NRXN3: variants seen among roughly 807,000 people sequenced by gnomAD.
NRXN3 encodes the protein neurexin III.
Under a neutral mutation model 137.6 loss-of-function variants are expected in NRXN3, and 32 were observed. That is an observed-to-expected ratio of 0.23 (90% confidence interval 0.18 to 0.31). The LOEUF is 0.31. NRXN3 is among the 10% of genes least tolerant of loss of function. The pLI, the probability that NRXN3 is intolerant of heterozygous loss-of-function variation, is 1.00. For synonymous variants in NRXN3, 798 were observed against 784.5 expected, an observed-to-expected ratio of 1.02 and a Z score of -0.29; for missense variants, 1,574 against 2,062.5, an observed-to-expected ratio of 0.76 and a Z score of 4.59.
chr14:79,119,200 T>C (rs1163456821), intron 15 of NRXN3, among the ~76,000 whole-genome samples: 1 of 152,208 alleles, frequency 6.6e-6, no homozygotes, highest in Non-Finnish European at 1.5e-5. Flanking sequence ...AAATCTATAG[T>C]AAATTATGAG....
intron 17 of NRXN3, among the ~76,000 whole-genome samples, chr14:79,683,048 ACT>A (rs2098678648): frequency 6.6e-6 from 1 of 152,100 alleles, no homozygotes; most frequent in Admixed American, 6.6e-5. Context: ...CTTCAAAGAA[ACT>A]CTAATTTCTG....
chr14:79,029,168 G>GC (rs2099603358), intron 15 of NRXN3, among the ~76,000 whole-genome samples: 1 of 151,922 alleles, frequency 6.6e-6, no homozygotes, highest in South Asian at 2.1e-4. Context: ...GAAAGAGAGA[G>GC]GAAATATGGT....
intron 4 of NRXN3, among the ~76,000 whole-genome samples, chr14:78,323,493 G>C (rs1316805201): frequency 6.6e-6 from 1 of 152,082 alleles, no homozygotes; most frequent in Non-Finnish European, 1.5e-5. Context: ...GAAATTAAAT[G>C]TGTGCAGTTT....
intron 15 of NRXN3, among the ~76,000 whole-genome samples, chr14:79,076,017 C>T (rs1485564912): frequency 3.3e-5 from 5 of 152,158 alleles, no homozygotes; most frequent in African/African-American, 1.2e-4. Context: ...GCACCTCCTG[C>T]AACTTTGTGG....
At chr14:79,306,061 T>C (rs989719071) in intron 15 of NRXN3, among the ~76,000 whole-genome samples, 3 of 152,124 alleles carry the variant, frequency 2.0e-5, no homozygotes, top group African/African-American at 4.8e-5. Context: ...GATTCCATCA[T>C]TGAAATGAGC....
chr14:78,469,081 C>G (rs556182127), intron 4 of NRXN3, among the ~76,000 whole-genome samples: 1 of 152,080 alleles, frequency 6.6e-6, no homozygotes, highest in Non-Finnish European at 1.5e-5. Context: ...CCTTCTCCAC[C>G]TAGTTACACA....
At chr14:78,492,904 T>C (rs1193111053) in intron 4 of NRXN3, among the ~76,000 whole-genome samples, 1 of 152,212 alleles carries the variant, frequency 6.6e-6, no homozygotes, top group Non-Finnish European at 1.5e-5. Flanking sequence ...AAGCATAGCT[T>C]TGCCAAGTAT....
At chr14:79,587,838 A>G (rs940241904) in intron 16 of NRXN3, among the ~76,000 whole-genome samples, 3 of 152,222 alleles carry the variant, frequency 2.0e-5, no homozygotes, top group Admixed American at 2.0e-4. Flanking sequence ...TCAATTTTAA[A>G]TATTCATCTG....
chr14:79,363,601 GAA>G (rs35899846), intron 15 of NRXN3, among the ~76,000 whole-genome samples: 57,794 of 124,698 alleles, frequency 0.46, 11,751 homozygotes, highest in Admixed American at 0.56. Flanking sequence ...ACTTTCTTAA[GAA>G]AAAAAAAAAA....
At chr14:78,389,480 G>A (rs770147439) in intron 4 of NRXN3, among the ~76,000 whole-genome samples, 75 of 152,136 alleles carry the variant, frequency 4.9e-4, no homozygotes, top group Non-Finnish European at 7.9e-4. Flanking sequence ...GCTGAGGGGT[G>A]TGATTTTATC....
intron 1 of NRXN3, among the ~76,000 whole-genome samples, chr14:78,209,535 A>G (rs2062541745): frequency 6.6e-6 from 1 of 152,198 alleles, no homozygotes; most frequent in Admixed American, 6.5e-5. Context: ...ACTTACAATC[A>G]TGGCAGAAGG....
chr14:78,679,953 A>G lies in NRXN3; in HGVS notation c.1221+28627A>G, dbSNP rs548631053. 2.0e-5 allele frequency among the ~76,000 whole-genome samples: 3 copies of G among 152,270 alleles called. No homozygotes were observed. The East Asian group carries it at 5.8e-4, about 29-fold the overall frequency. Reference sequence around the variant, plus strand: ...TCTACAGCCAAATAGAAGGATTTCTATTGCTCTTTGGTTTTGACATTTAAC... The same window carrying G: ...TCTACAGCCAAATAGAAGGATTTCTGTTGCTCTTTGGTTTTGACATTTAAC... On this transcript the variant is annotated intron_variant, in intron 6 of 20. Transcript: ENST00000335750.
chr14:78,678,055 G>A (rs2098028180), intron 6 of NRXN3, among the ~76,000 whole-genome samples: 1 of 152,104 alleles, frequency 6.6e-6, no homozygotes, highest in Admixed American at 6.5e-5. Flanking sequence ...AAACATTTGT[G>A]TAACTCACTT....
chr14:78,910,726 C>T (rs1358202772), intron 10 of NRXN3, among the ~76,000 whole-genome samples: 1 of 152,164 alleles, frequency 6.6e-6, no homozygotes, highest in Non-Finnish European at 1.5e-5. Flanking sequence ...CTTTCTCCCT[C>T]TGCTGAAATG....
At chr14:78,478,302 T>A (rs2153735788) in intron 4 of NRXN3, among the ~76,000 whole-genome samples, 1 of 152,246 alleles carries the variant, frequency 6.6e-6, no homozygotes, top group African/African-American at 2.4e-5. Flanking sequence ...CAAGTAGTTA[T>A]GAGAATCAAG....
intron 17 of NRXN3, among the ~76,000 whole-genome samples, chr14:79,682,931 T>C (rs976498757): frequency 3.3e-5 from 5 of 152,166 alleles, no homozygotes; most frequent in African/African-American, 1.2e-4. Flanking sequence ...AATATATTAT[T>C]TAGCAAAAGA....
At chr14:78,844,683 A>C (rs1471694751) in intron 10 of NRXN3, among the ~76,000 whole-genome samples, 1 of 152,100 alleles carries the variant, frequency 6.6e-6, no homozygotes, top group African/African-American at 2.4e-5. Context: ...CAGATTTTAA[A>C]CTACTTTAAA....
Position 79,446,732 on chromosome 14 carries a change from C to A in NRXN3, c.3263-20489C>A, listed in dbSNP as rs529503093. ...CTTTAAAGTACTTTAAAGATAACTT[C>A]TTCATAATGAACTCTTGTGTGCATA... On this transcript the variant is annotated intron_variant, in intron 15 of 20. Coordinates refer to ENST00000335750, the MANE Select transcript of NRXN3 (RefSeq NM_001330195.2). 2.0e-5 allele frequency among the ~76,000 whole-genome samples: 3 copies of A among 152,078 alleles called. No homozygotes were observed. In the East Asian group the frequency reaches 5.8e-4, roughly 29 times the overall value.
chr14:79,133,028 GA>G (rs2057760904), intron 15 of NRXN3, among the ~76,000 whole-genome samples: 1 of 152,210 alleles, frequency 6.6e-6, no homozygotes, highest in Admixed American at 6.5e-5. Flanking sequence ...GGCCAACCCT[GA>G]AGGCGCTGGC....
Sources: allele counts gnomAD v4.1 joint callset (sites outside exome capture counted in the v4.1 genomes callset), GRCh38; gene constraint gnomAD v4.1.1; transcripts MANE v1.5; gene names NCBI Gene and HGNC (gene_info 2026-07-23, HGNC 2026-07-21).